DIAPH3: variants seen among roughly 807,000 people sequenced by gnomAD.
DIAPH3 encodes protein diaphanous homolog 3.
Under a neutral mutation model 144.3 loss-of-function variants are expected in DIAPH3, and 117 were observed. The ratio of observed to expected loss-of-function variants is 0.81; its 90% CI spans 0.70 to 0.95. The LOEUF (loss-of-function observed/expected upper bound fraction) is 0.95. Among genes scored for constraint, DIAPH3 ranks in the 40% least tolerant of loss-of-function variants. The pLI is 0.00. For synonymous variants in DIAPH3, 519 were observed against 488.9 expected (o/e 1.06, Z -0.81); for missense variants, 1,421 against 1,412.7 (o/e 1.01, Z -0.09).
chr13:59,835,584 T>C (rs1227489637), intron 23 of DIAPH3, among the ~76,000 whole-genome samples: 1 of 151,652 alleles, frequency 6.6e-6, no homozygotes, highest in African/African-American at 2.4e-5. Context: ...TTAATGCTAG[T>C]TTTAAAAGTC....
intron 1 of DIAPH3, among the ~76,000 whole-genome samples, chr13:60,157,172 T>C (rs1204179980): frequency 6.6e-6 from 1 of 151,882 alleles, no homozygotes; most frequent in African/African-American, 2.4e-5. Context: ...ATCGAACTCC[T>C]GGCCTCAAGT....
chr13:60,098,598 G>C (rs61958588), intron 3 of DIAPH3, among the ~76,000 whole-genome samples: 23,926 of 151,658 alleles, frequency 0.16, 2,021 homozygotes, highest in Middle Eastern at 0.22. Flanking sequence ...GAAACAAATT[G>C]AACAGAATAA....
At chr13:60,032,678 G>A (rs1336772274) in intron 5 of DIAPH3, among the ~76,000 whole-genome samples, 2 of 152,204 alleles carry the variant, frequency 1.3e-5, no homozygotes, top group Non-Finnish European at 2.9e-5. Context: ...GGAGGCCTCT[G>A]GGCCAGTGAT....
chr13:60,003,592 G>A (rs1409108350), intron 9 of DIAPH3, among the ~76,000 whole-genome samples: 1 of 151,094 alleles, frequency 6.6e-6, no homozygotes, highest in Non-Finnish European at 1.5e-5. Context: ...TATTTTTTAT[G>A]AGATGGAGTC....
intron 2 of DIAPH3, among the ~76,000 whole-genome samples, chr13:60,121,004 TA>T (rs1279059264): frequency 6.6e-6 from 1 of 152,174 alleles, no homozygotes; most frequent in African/African-American, 2.4e-5. Context: ...ATATACGAAC[TA>T]AAGTAAAATG....
intron 4 of DIAPH3, among the ~76,000 whole-genome samples, chr13:60,057,839 C>T (rs928615086): frequency 2.6e-5 from 4 of 151,770 alleles, no homozygotes; most frequent in Admixed American, 2.0e-4. Flanking sequence ...ATTTGATAGC[C>T]ACATGTAGAA....
intron 20 of DIAPH3, among the ~76,000 whole-genome samples, chr13:59,888,525 C>T (rs1025564253): frequency 3.9e-5 from 6 of 151,960 alleles, no homozygotes; most frequent in African/African-American, 1.2e-4. Flanking sequence ...CTTAACTATG[C>T]CTCTTTTTAT....
chr13:60,110,029 A>T (rs2058523386), intron 3 of DIAPH3, among the ~76,000 whole-genome samples: 1 of 152,220 alleles, frequency 6.6e-6, no homozygotes, highest in African/African-American at 2.4e-5. Context: ...CCAGAGACCA[A>T]GTAAATCAAT....
chr13:59,868,941 T>A (rs567983311), intron 21 of DIAPH3, among the ~76,000 whole-genome samples: 1 of 152,340 alleles, frequency 6.6e-6, no homozygotes, highest in Admixed American at 6.5e-5. Context: ...CAAATGAATA[T>A]ACCACAGTTT....
chr13:60,025,721 A>G lies in DIAPH3; in HGVS notation c.627-9576T>C, dbSNP rs914873710. ...TGTAGAAGTGAAATCCTGATTGCAA[A>G]AGAATTAAAACAGAAAAGGGGTAGT... On this transcript the variant is annotated intron_variant, in intron 5 of 27. Transcript: ENST00000400324. Among the ~76,000 whole-genome samples the G allele has an allele frequency of 1.2e-4, 18 of 152,316 alleles. No individual in the cohort carries two copies. In the East Asian group the frequency reaches 2.9e-3, roughly 24 times the overall value.
intron 24 of DIAPH3, among the ~76,000 whole-genome samples, chr13:59,821,547 T>A (rs1384583705): frequency 1.3e-5 from 2 of 152,172 alleles, no homozygotes; most frequent in African/African-American, 2.4e-5. Flanking sequence ...AATTACGTGA[T>A]CTACTTTTCA....
intron 22 of DIAPH3, among the ~76,000 whole-genome samples, chr13:59,848,307 C>CTTTTTTTTTTTTTT (rs71089517): frequency 5.5e-5 from 7 of 128,028 alleles, no homozygotes; most frequent in East Asian, 2.3e-4. Flanking sequence ...AAAGTCAAAT[C>CTTTTTTTTTTTTTT]TTTTTTTTTT....
At chr13:59,697,459 CAAAAAAAAAAA>C (rs58372882) in intron 27 of DIAPH3, among the ~76,000 whole-genome samples, 35 of 31,184 alleles carry the variant, frequency 1.1e-3, no homozygotes, top group African/African-American at 3.2e-3. Context: ...GACACTGTCT[CAAAAAAAAAAA>C]AAAAAAAAAA....
At chr13:60,068,638 AC>A (rs1293327526) in intron 4 of DIAPH3, among the ~76,000 whole-genome samples, 1 of 151,770 alleles carries the variant, frequency 6.6e-6, no homozygotes, top group Non-Finnish European at 1.5e-5. Flanking sequence ...TTCAATCCTC[AC>A]CCTCCTCCCA....
chr13:59,892,817 A>G (rs1462940103), intron 20 of DIAPH3, among the ~76,000 whole-genome samples: 1 of 152,086 alleles, frequency 6.6e-6, no homozygotes, highest in African/African-American at 2.4e-5. Context: ...AATGGTCTAA[A>G]CACTTCAATT....
intron 25 of DIAPH3, among the ~76,000 whole-genome samples, chr13:59,809,776 T>G (rs917548327): frequency 6.6e-6 from 1 of 152,128 alleles, no homozygotes; most frequent in African/African-American, 2.4e-5. Flanking sequence ...CATAAAAATA[T>G]ACCTGTAAAG....
chr13:59,682,661 A>G (rs1342947868), intron 27 of DIAPH3, among the ~76,000 whole-genome samples: 2 of 152,104 alleles, frequency 1.3e-5, no homozygotes, highest in African/African-American at 4.8e-5. Context: ...AACTCTATAT[A>G]TAATACTGCA....
At chr13:59,967,067 G>GT (rs1290375929) in intron 17 of DIAPH3, among the ~76,000 whole-genome samples, 3 of 151,542 alleles carry the variant, frequency 2.0e-5, no homozygotes, top group Admixed American at 6.6e-5. Flanking sequence ...TTGTTTTTTT[G>GT]TTTTTTTGTG....
At chr13:59,811,223 A>T (rs940075645) in intron 24 of DIAPH3, among the ~76,000 whole-genome samples, 1 of 152,182 alleles carries the variant, frequency 6.6e-6, no homozygotes, top group South Asian at 2.1e-4. Context: ...AAAAAAAACT[A>T]ATTCACAAAT....
Sources: allele counts gnomAD v4.1 joint callset (sites outside exome capture counted in the v4.1 genomes callset), GRCh38; gene constraint gnomAD v4.1.1; transcripts MANE v1.5; gene names NCBI Gene and HGNC (gene_info 2026-07-23, HGNC 2026-07-21).